VPS13D: variants seen among roughly 807,000 people sequenced by gnomAD.
VPS13D encodes the protein vacuolar protein sorting 13 homolog D, also known as intermembrane lipid transfer protein VPS13D.
A neutral mutation model predicts 461.9 loss-of-function variants in VPS13D; 187 were observed. The observed-to-expected ratio is 0.40, with a 90% CI of 0.36 to 0.46. VPS13D has a LOEUF of 0.46. VPS13D is among the 20% of genes least tolerant of loss of function. The pLI, the probability that VPS13D is intolerant of heterozygous loss-of-function variation, is 0.60. For synonymous variants in VPS13D, 1,951 were observed against 1,986.3 expected (o/e 0.98, Z 0.47); for missense variants, 4,711 against 5,364.9 (o/e 0.88, Z 3.81).
intron 8 of VPS13D, 53 bp from the exon 9 acceptor site, chr1:12,256,934 G>A: frequency 1.3e-6 from 2 of 1,581,356 alleles, no homozygotes; most frequent in East Asian, 2.2e-5. Flanking sequence ...TCTTAACTGA[G>A]TAAAAGAAAC....
intron 59 of VPS13D, 24 bp downstream of exon 59, chr1:12,385,397 T>C: frequency 6.4e-7 from 1 of 1,571,054 alleles, no homozygotes; most frequent in Non-Finnish European, 8.7e-7. Flanking sequence ...ATTGTGAATT[T>C]ATTTATTTGA....
chr1:12,499,421 C>T (rs1646005657), intron 68 of VPS13D: 1 of 980,084 alleles, frequency 1.0e-6, no homozygotes, highest in Admixed American at 6.2e-5. Flanking sequence ...ACTTTCCTCC[C>T]CAACTCACCT....
rs962516096 is a variant in VPS13D, at chr1:12,369,817, C to A, written c.10808+115C>A. 9 of 944,084 alleles carry A rather than the reference C, an allele frequency of 9.5e-6. No individual in the cohort carries two copies. The African/African-American group carries it at 1.2e-4, about 12-fold the overall frequency. The allele number at this position is 944,084 out of a possible 1,614,324, so 58.5% of individuals were successfully genotyped here. ...AAGTACAAAGGAAGATTCTTTCATT[C>A]TTTACCAAACCCTGGGCTCAGTGTC... On this transcript the variant is annotated intron_variant, in intron 54 of 69. Transcript: ENST00000620676.
chr1:12,330,287 C>T (rs887759118), intron 37 of VPS13D, among the ~76,000 whole-genome samples: 1 of 151,938 alleles, frequency 6.6e-6, no homozygotes, highest in African/African-American at 2.4e-5. Context: ...TGGTGGTGGG[C>T]GCCTGTAGTC....
intron 65 of VPS13D, among the ~76,000 whole-genome samples, chr1:12,431,565 C>T (rs1249819175): frequency 2.0e-5 from 3 of 151,392 alleles, no homozygotes; most frequent in South Asian, 2.1e-4. Context: ...ATCTTCTCAG[C>T]GTTCTTTATT....
At chr1:12,232,866 C>T (rs1230705303) in intron 1 of VPS13D, among the ~76,000 whole-genome samples, 1 of 151,720 alleles carries the variant, frequency 6.6e-6, no homozygotes, top group African/African-American at 2.4e-5. Flanking sequence ...ACTGTCGCCT[C>T]TCTCCCATGT....
At chr1:12,395,246 C>G (rs761436805) in intron 60 of VPS13D, among the ~76,000 whole-genome samples, 1 of 152,110 alleles carries the variant, frequency 6.6e-6, no homozygotes, top group Non-Finnish European at 1.5e-5. Flanking sequence ...GAGATGTTGC[C>G]ACTACTGGGG....
chr1:12,315,651 T>G (rs925606825), intron 30 of VPS13D, among the ~76,000 whole-genome samples: 3 of 152,118 alleles, frequency 2.0e-5, no homozygotes, highest in East Asian at 1.9e-4. Context: ...CCTGGGTATG[T>G]GATGTTAAAG....
chr1:12,268,735 A>G lies in VPS13D; in HGVS notation c.1831A>G (p.Met611Val). 2.5e-6 allele frequency: 4 copies of G among 1,613,066 alleles called. No homozygotes were observed. The highest frequency in any genetic ancestry group is 3.4e-6 in the Non-Finnish European group (4 of 1,179,710). Residue 611 changes from methionine to valine, a missense_variant, in exon 16 of 70, where the codon ATG becomes GTG. By Grantham distance (21) the Met-to-Val change is conservative (BLOSUM62 1). Transcript: ENST00000620676. ...AGATCCAGATGGCCCCGTTTTTGAG[A>G]TGCTGTATGAGAGAAATCCGGCGCA... Reference protein sequence around the residue: ...AADPDGPVFEMLYERNPAHSH... With the variant: ...AADPDGPVFEVLYERNPAHSH...
At chr1:12,451,997 A>T (rs926682423) in intron 65 of VPS13D, among the ~76,000 whole-genome samples, 2 of 152,220 alleles carry the variant, frequency 1.3e-5, no homozygotes, top group African/African-American at 4.8e-5. Context: ...CGCAAAGGTT[A>T]CTTGTCTGTG....
chr1:12,408,755 C>G (rs113360855), intron 63 of VPS13D, among the ~76,000 whole-genome samples: 6 of 152,186 alleles, frequency 3.9e-5, no homozygotes, highest in Admixed American at 1.3e-4. Context: ...GTCCAGTGAC[C>G]TTTCTCTCTA....
intron 25 of VPS13D, among the ~76,000 whole-genome samples, chr1:12,300,477 A>C (rs759928593): frequency 5.9e-5 from 9 of 151,968 alleles, no homozygotes; most frequent in Non-Finnish European, 1.2e-4. Flanking sequence ...CAAAGTGCTG[A>C]GATTACAGGC....
At chr1:12,304,469 A>C (rs1218344405) in intron 25 of VPS13D, 37 bp from the exon 26 acceptor site, 1 of 1,571,110 alleles carries the variant, frequency 6.4e-7, no homozygotes, top group South Asian at 1.2e-5. Flanking sequence ...CCCCCTTCCC[A>C]TTTCCTGCAT....
intron 24 of VPS13D, among the ~76,000 whole-genome samples, chr1:12,294,581 G>A (rs528829148): frequency 1.3e-5 from 2 of 152,078 alleles, no homozygotes; most frequent in Non-Finnish European, 2.9e-5. Context: ...TTGGGAGGCC[G>A]AGGCGGGCAG....
chr1:12,304,246 A>G (rs954263244), intron 25 of VPS13D, among the ~76,000 whole-genome samples: 36 of 152,246 alleles, frequency 2.4e-4, no homozygotes, highest in African/African-American at 8.4e-4. Context: ...AAAAGATGGT[A>G]TCTTCCTGCA....
chr1:12,361,834 GTAATTTTA>G (rs1426199033), intron 50 of VPS13D, among the ~76,000 whole-genome samples: 1 of 152,040 alleles, frequency 6.6e-6, no homozygotes, highest in African/African-American at 2.4e-5. Context: ...GCTGAAAACA[GTAATTTTA>G]TAGATGAATA....
chr1:12,321,649 C>T (rs1317099510), intron 32 of VPS13D, among the ~76,000 whole-genome samples, 160 bp from the exon 33 acceptor site: 2 of 152,238 alleles, frequency 1.3e-5, no homozygotes, highest in Admixed American at 6.5e-5. Flanking sequence ...CTCTCGGCAG[C>T]GGTGGGGGGC....
chr1:12,329,681 G>A (rs1643280550), intron 36 of VPS13D, 148 bp from the exon 37 acceptor site: 5 of 614,470 alleles, frequency 8.1e-6, no homozygotes, highest in Non-Finnish European at 1.4e-5. Flanking sequence ...AAAAATTGAT[G>A]CAAAAAAGTA....
intron 63 of VPS13D, chr1:12,407,288 A>G (rs1203321102): frequency 2.6e-5 from 4 of 152,258 alleles, no homozygotes; most frequent in African/African-American, 9.6e-5. Flanking sequence ...TAAGAAAGGA[A>G]AGGACATGGC....
Sources: allele counts gnomAD v4.1 joint callset (sites outside exome capture counted in the v4.1 genomes callset), GRCh38; gene constraint gnomAD v4.1.1; transcripts MANE v1.5; gene names NCBI Gene and HGNC (gene_info 2026-07-23, HGNC 2026-07-21).